Variants in AKAP19 observed in about 807,000 individuals in gnomAD.
AKAP19 encodes the protein small A-kinase anchoring protein.
the AKAP19 span, among the ~76,000 whole-genome samples, chr2:189,959,431 T>G: frequency 6.6e-6 from 1 of 152,196 alleles, no homozygotes; most frequent in South Asian, 2.1e-4. Context: ...TTTGCCATAA[T>G]TCTTAAATGT....
At chr2:190,127,205 A>AT in the AKAP19 span, among the ~76,000 whole-genome samples, 1 of 151,978 alleles carries the variant, frequency 6.6e-6, no homozygotes, top group Non-Finnish European at 1.5e-5. Flanking sequence ...AAAAAAAAAA[A>AT]AATAAGACAT....
chr2:189,926,468 A>G, the AKAP19 span, among the ~76,000 whole-genome samples: 1 of 149,840 alleles, frequency 6.7e-6, no homozygotes, highest in African/African-American at 2.5e-5. Context: ...TTGGGTTTTT[A>G]GTAGAGACGG....
chr2:190,141,584 G>A, the AKAP19 span, among the ~76,000 whole-genome samples: 2 of 152,070 alleles, frequency 1.3e-5, no homozygotes. Context: ...GATCTCATGA[G>A]AACTCATTCA....
chr2:189,883,509 T>TTTG, the AKAP19 span, among the ~76,000 whole-genome samples: 1 of 118,512 alleles, frequency 8.4e-6, no homozygotes, highest in African/African-American at 4.2e-5. Context: ...TTCTTCCTGT[T>TTTG]TTTTTTTTTT....
the AKAP19 span, among the ~76,000 whole-genome samples, chr2:190,192,513 A>T: frequency 4.1e-5 from 6 of 147,530 alleles, no homozygotes; most frequent in African/African-American, 1.6e-4. Context: ...TATATATATA[A>T]AACAAATCCT....
the AKAP19 span, among the ~76,000 whole-genome samples, chr2:190,079,776 A>T: frequency 6.6e-6 from 1 of 151,678 alleles, no homozygotes; most frequent in Non-Finnish European, 1.5e-5. Flanking sequence ...GGGCCACTGC[A>T]CTCCAGCCTG....
At chr2:190,108,486 G>A in the AKAP19 span, among the ~76,000 whole-genome samples, 2 of 152,160 alleles carry the variant, frequency 1.3e-5, no homozygotes, top group African/African-American at 2.4e-5. Context: ...TGCAAAGACC[G>A]CAAGCTATTG....
At chr2:190,196,197 C>A in the AKAP19 span, among the ~76,000 whole-genome samples, 1 of 151,942 alleles carries the variant, frequency 6.6e-6, no homozygotes, top group African/African-American at 2.4e-5. Flanking sequence ...TATCTAATTC[C>A]TTTCCTCATA....
At chr2:189,936,627 A>G in the AKAP19 span, among the ~76,000 whole-genome samples, 1 of 151,578 alleles carries the variant, frequency 6.6e-6, no homozygotes, top group Admixed American at 6.5e-5. Flanking sequence ...GGATAAAGAA[A>G]CAAATGTCCA....
At chr2:189,976,626 C>T in the AKAP19 span, among the ~76,000 whole-genome samples, 3 of 152,222 alleles carry the variant, frequency 2.0e-5, no homozygotes, top group Non-Finnish European at 4.4e-5. Context: ...GGGTTCCACC[C>T]AGTTCGAGCT....
At chr2:189,958,631 G>A in the AKAP19 span, among the ~76,000 whole-genome samples, 8 of 150,452 alleles carry the variant, frequency 5.3e-5, no homozygotes, top group Non-Finnish European at 8.9e-5. Flanking sequence ...TCTTGCATAT[G>A]TGCACCAGGA....
chr2:190,074,512 G>T, the AKAP19 span, among the ~76,000 whole-genome samples: 1 of 152,038 alleles, frequency 6.6e-6, no homozygotes, highest in Admixed American at 6.6e-5. Context: ...TTAGCTGGGC[G>T]TGGTGGCGCG....
chr2:189,898,080 A>G, the AKAP19 span, among the ~76,000 whole-genome samples: 8 of 152,192 alleles, frequency 5.3e-5, no homozygotes, highest in Non-Finnish European at 1.0e-4. Flanking sequence ...ATGGTAGCAC[A>G]CATGTACTCA....
chr2:190,081,308 C>T, the AKAP19 span, among the ~76,000 whole-genome samples: 15 of 151,808 alleles, frequency 9.9e-5, no homozygotes, highest in Admixed American at 5.9e-4. Context: ...GCATCCCTGA[C>T]ATTACCTGAG....
At chr2:190,034,341 ATT>A in the AKAP19 span, among the ~76,000 whole-genome samples, 5 of 151,568 alleles carry the variant, frequency 3.3e-5, no homozygotes, top group African/African-American at 1.2e-4. Flanking sequence ...CCTGACCATA[ATT>A]TTTTTAATCA....
chr2:190,157,220 C>T, the AKAP19 span, among the ~76,000 whole-genome samples: 1 of 152,128 alleles, frequency 6.6e-6, no homozygotes, highest in East Asian at 1.9e-4. Flanking sequence ...CACAGAACTA[C>T]ATTCAAAATC....
the AKAP19 span, among the ~76,000 whole-genome samples, chr2:190,124,721 T>G: frequency 2.6e-4 from 39 of 152,274 alleles, 1 homozygote; most frequent in South Asian, 7.9e-3. Context: ...TTACTGTAAC[T>G]TTCTTACTTT....
At chr2:189,989,665 A>G in the AKAP19 span, among the ~76,000 whole-genome samples, 3 of 152,162 alleles carry the variant, frequency 2.0e-5, no homozygotes, top group Non-Finnish European at 4.4e-5. Context: ...TACAACTATG[A>G]CAAATATGGA....
the AKAP19 span, among the ~76,000 whole-genome samples, chr2:189,891,094 G>T: frequency 6.6e-6 from 1 of 152,006 alleles, no homozygotes; most frequent in African/African-American, 2.4e-5. Context: ...AGGAGCTCTT[G>T]TAAGGCAGGC....
Sources: gnomAD v4.1 joint callset for allele counts (sites outside exome capture counted in the v4.1 genomes callset) on GRCh38, gnomAD v4.1.1 for gene constraint, MANE v1.5 for transcripts, NCBI Gene and HGNC (gene_info 2026-07-23, HGNC 2026-07-21) for gene names.